The following PKD2 variants were observed in gnomAD, a reference collection of about 807,000 sequenced individuals.
PKD2 encodes the protein polycystin-2.
A neutral mutation model predicts 105.9 loss-of-function variants in PKD2; 48 were observed. The observed-to-expected ratio is 0.45, with a 90% CI of 0.36 to 0.58. PKD2 has a LOEUF of 0.58. Among genes scored for constraint, PKD2 ranks in the 20% least tolerant of loss-of-function variants. The pLI, the probability that PKD2 is intolerant of heterozygous loss-of-function variation, is 0.00. For missense variants in PKD2, 1,078 were observed against 1,255.3 expected, an observed-to-expected ratio of 0.86 and a Z score of 2.13; for synonymous variants, 464 against 481.1, an observed-to-expected ratio of 0.96 and a Z score of 0.46.
intron 1 of PKD2, among the ~76,000 whole-genome samples, chr4:88,015,744 T>A (rs1726537483): frequency 6.6e-6 from 1 of 152,210 alleles, no homozygotes; most frequent in Admixed American, 6.5e-5. Context: ...TTGAAAGGAT[T>A]TAGATAAAAT....
At chr4:88,059,570 A>G (rs1189390090) in intron 9 of PKD2, among the ~76,000 whole-genome samples, 1 of 152,190 alleles carries the variant, frequency 6.6e-6, no homozygotes, top group Non-Finnish European at 1.5e-5. Context: ...TTTAGTAGGC[A>G]GCCATCTTAC....
intron 1 of PKD2, among the ~76,000 whole-genome samples, chr4:88,011,683 T>C (rs1451584176): frequency 6.6e-6 from 1 of 152,122 alleles, no homozygotes; most frequent in Non-Finnish European, 1.5e-5. Context: ...AATTAGTTAT[T>C]GGAAAGGTTA....
At chr4:88,026,271 A>T (rs1051074608) in intron 2 of PKD2, among the ~76,000 whole-genome samples, 1 of 152,186 alleles carries the variant, frequency 6.6e-6, no homozygotes, top group Non-Finnish European at 1.5e-5. Context: ...GGTGGAGATG[A>T]GGAACTTATT....
intron 13 of PKD2, among the ~76,000 whole-genome samples, chr4:88,071,975 CTTTTTTTTT>C (rs1199490302): frequency 1.1e-5 from 1 of 87,110 alleles, no homozygotes; most frequent in Admixed American, 1.4e-4. Flanking sequence ...AGAGGCCAGT[CTTTTTTTTT>C]TTTTTTTTTT....
intron 10 of PKD2, among the ~76,000 whole-genome samples, chr4:88,064,180 G>A (rs988116860): frequency 2.6e-5 from 4 of 151,808 alleles, no homozygotes; most frequent in Non-Finnish European, 5.9e-5. Flanking sequence ...AAAATATGTT[G>A]GAAGCTCATC....
chr4:88,064,442 G>A (rs142416441), intron 10 of PKD2, among the ~76,000 whole-genome samples: 2 of 152,036 alleles, frequency 1.3e-5, no homozygotes, highest in Non-Finnish European at 2.9e-5. Flanking sequence ...CTGACACTAA[G>A]GGAGTGTTTA....
At chr4:88,060,778 C>G (rs1266390762) in intron 9 of PKD2, among the ~76,000 whole-genome samples, 1 of 152,092 alleles carries the variant, frequency 6.6e-6, no homozygotes, top group Admixed American at 6.6e-5. Context: ...AAAATGAACT[C>G]ACCATTACTG....
intron 5 of PKD2, among the ~76,000 whole-genome samples, chr4:88,045,434 C>T (rs1045706197): frequency 6.6e-6 from 1 of 152,198 alleles, no homozygotes; most frequent in African/African-American, 2.4e-5. Flanking sequence ...TTACCATAGT[C>T]CTGTTTTTAC....
intron 7 of PKD2, among the ~76,000 whole-genome samples, chr4:88,054,548 A>G (rs1194025752): frequency 6.6e-6 from 1 of 151,190 alleles, no homozygotes; most frequent in East Asian, 1.9e-4. Flanking sequence ...TTCCTACAAC[A>G]TGTGTCTCAG....
chr4:88,022,798 T>A (rs1275526192), intron 2 of PKD2, among the ~76,000 whole-genome samples: 2 of 152,056 alleles, frequency 1.3e-5, no homozygotes, highest in Non-Finnish European at 2.9e-5. Flanking sequence ...AAAAAAGAGG[T>A]TTGGCCAGGC....
At chr4:88,062,064 C>T in intron 10 of PKD2, 60 bp downstream of exon 10, 1 of 857,218 alleles carries the variant, frequency 1.2e-6, no homozygotes, top group South Asian at 1.3e-5. Flanking sequence ...AGCATTGTTT[C>T]ACCCAGATTT....
At chr4:88,067,428 T>A (rs1720836754) in intron 12 of PKD2, among the ~76,000 whole-genome samples, 1 of 152,146 alleles carries the variant, frequency 6.6e-6, no homozygotes, top group Non-Finnish European at 1.5e-5. Context: ...GCTCAAGTGA[T>A]CTTCCGACCT....
rs571634273 is a variant in PKD2 at position 88,025,633 on chromosome 4, G to T, written c.709+6062G>T. Among the ~76,000 whole-genome samples, 359 of 151,188 alleles carry T rather than the reference G, an allele frequency of 2.4e-3. 3 individuals are homozygous for T. The highest frequency in any genetic ancestry group is 8.4e-3 in the African/African-American group (345 of 41,300). Reference sequence around the variant, plus strand: ...TGTCTCAAAAAAAAAAAAAAGAAAAGAAAAGAAAAATAAATAAAATTTATT... The same window carrying T: ...TGTCTCAAAAAAAAAAAAAAGAAAATAAAAGAAAAATAAATAAAATTTATT... On this transcript the variant is annotated intron_variant, in intron 2 of 14. Coordinates refer to ENST00000237596, the MANE Select transcript of PKD2 (RefSeq NM_000297.4).
At chr4:88,062,096 G>T in intron 10 of PKD2, 92 bp downstream of exon 10, 1 of 727,492 alleles carries the variant, frequency 1.4e-6, no homozygotes, top group Non-Finnish European at 2.5e-6. Flanking sequence ...TTGATCCATT[G>T]AAATTGTTTG....
chr4:88,051,705 A>G (rs1173412710), intron 6 of PKD2, among the ~76,000 whole-genome samples: 2 of 152,236 alleles, frequency 1.3e-5, no homozygotes, highest in African/African-American at 2.4e-5. Flanking sequence ...TCTTCTGTGT[A>G]TGCATGTATG....
intron 13 of PKD2, among the ~76,000 whole-genome samples, chr4:88,071,410 T>C (rs902503638): frequency 2.6e-5 from 4 of 152,116 alleles, no homozygotes; most frequent in Admixed American, 6.5e-5. Context: ...TTTAACCTGT[T>C]TGAATATATT....
At chr4:88,067,323 G>C (rs189683782) in intron 12 of PKD2, among the ~76,000 whole-genome samples, 1 of 152,012 alleles carries the variant, frequency 6.6e-6, no homozygotes. Flanking sequence ...TTTCAAATAA[G>C]GGATACTCAA....
chr4:88,035,915 G>A (rs1361435297), intron 2 of PKD2: 1 of 398,338 alleles, frequency 2.5e-6, no homozygotes, highest in Non-Finnish European at 4.8e-6. Context: ...AGATGAAATC[G>A]AGTAGGCATG....
chr4:88,019,929 G>A (rs1400518977), intron 2 of PKD2, among the ~76,000 whole-genome samples: 2 of 152,180 alleles, frequency 1.3e-5, no homozygotes, highest in Non-Finnish European at 2.9e-5. Context: ...CACAGGACGG[G>A]AGAGGCAAAG....
Sources: gnomAD v4.1 joint callset for allele counts (sites outside exome capture counted in the v4.1 genomes callset) on GRCh38, gnomAD v4.1.1 for gene constraint, MANE v1.5 for transcripts, NCBI Gene and HGNC (gene_info 2026-07-23, HGNC 2026-07-21) for gene names.